Variants in MBNL3 observed in about 807,000 individuals in gnomAD.
MBNL3 encodes muscleblind like splicing regulator 3, also known as muscleblind-like protein 3.
In MBNL3, 6 loss-of-function variants were observed where a neutral mutation model predicts 24.5. That is an observed-to-expected ratio of 0.25 (90% CI 0.13 to 0.48). MBNL3 has a LOEUF of 0.48. Among genes scored for constraint, MBNL3 ranks in the 20% least tolerant of loss-of-function variants. MBNL3 has a pLI of 0.99. For missense variants in MBNL3, 230 were observed against 293.5 expected (o/e 0.78, Z 1.58); for synonymous variants, 100 against 101.7 (o/e 0.98, Z 0.10).
intron 7 of MBNL3, among the ~76,000 whole-genome samples, chrX:132,383,889 T>C (rs1325802159): frequency 9.0e-6 from 1 of 111,698 alleles, no homozygotes; most frequent in Non-Finnish European, 1.9e-5. Flanking sequence ...GTTGGGATCA[T>C]TTCTCCTTGC....
intron 1 of MBNL3, among the ~76,000 whole-genome samples, chrX:132,447,185 C>T (rs951282836): frequency 3.6e-5 from 4 of 111,613 alleles, no homozygotes; most frequent in African/African-American, 6.5e-5. Flanking sequence ...AGTCAGGTAG[C>T]GTGATGCCTC....
intron 1 of MBNL3, among the ~76,000 whole-genome samples, chrX:132,483,694 C>G (rs143315864): frequency 1.2e-4 from 13 of 112,245 alleles, no homozygotes; most frequent in African/African-American, 3.6e-4. Context: ...AGCGCTAAAC[C>G]TAAAGACTGA....
In MBNL3 at chrX:132,464,545, G is replaced by A. The variant is rs182204591; in HGVS notation, c.-703-24231C>T. On this transcript the variant is annotated intron_variant, in intron 1 of 8. Transcript: ENST00000370853. Reference sequence around the variant, plus strand: ...CACATCTAGGTGGGAACTCAGAAGTGAAACTTAAAACACCAAAAAAACATT... The same window carrying A: ...CACATCTAGGTGGGAACTCAGAAGTAAAACTTAAAACACCAAAAAAACATT... 7.5e-3 allele frequency among the ~76,000 whole-genome samples: 834 copies of A among 111,915 alleles called. 4 individuals carry two copies. Among genetic ancestry groups the A allele is most frequent in the African/African-American group, 0.026 (790 of 30,822 alleles).
chrX:132,436,817 ATTGT>A (rs759512035), intron 2 of MBNL3, among the ~76,000 whole-genome samples: 6 of 112,257 alleles, frequency 5.3e-5, no homozygotes, highest in African/African-American at 1.9e-4. Flanking sequence ...AAATTAAGTA[ATTGT>A]TTGAACGGCT....
chrX:132,392,117 G>A, intron 4 of MBNL3, 26 bp downstream of exon 4: 1 of 1,119,213 alleles, frequency 8.9e-7, no homozygotes, highest in Non-Finnish European at 1.2e-6. Flanking sequence ...TATTCTACAG[G>A]TATTTATATA....
chrX:132,471,838 T>G (rs769116783), intron 1 of MBNL3, among the ~76,000 whole-genome samples: 2 of 113,102 alleles, frequency 1.8e-5, no homozygotes, highest in East Asian at 5.5e-4. Flanking sequence ...TAGGATGCCC[T>G]GTTACAAAGT....
intron 2 of MBNL3, among the ~76,000 whole-genome samples, chrX:132,419,472 G>A (rs1031323853): frequency 8.9e-6 from 1 of 111,913 alleles, no homozygotes; most frequent in Admixed American, 9.5e-5. Flanking sequence ...ACAAAGCAGA[G>A]AAAGTCTCCA....
intron 2 of MBNL3, chrX:132,429,781 T>A (rs1944587177): frequency 8.9e-6 from 1 of 111,763 alleles, no homozygotes; most frequent in African/African-American, 3.3e-5. Flanking sequence ...ATAGCCTAAT[T>A]GATGTTCTCT....
At chrX:132,469,586 C>T (rs1375028557) in intron 1 of MBNL3, among the ~76,000 whole-genome samples, 1 of 111,893 alleles carries the variant, frequency 8.9e-6, no homozygotes, top group African/African-American at 3.3e-5. Context: ...AATCCATTGC[C>T]TCTGTTTAAA....
chrX:132,381,878 A>T (rs959366886), intron 8 of MBNL3, among the ~76,000 whole-genome samples: 2 of 112,147 alleles, frequency 1.8e-5, no homozygotes, highest in Non-Finnish European at 3.8e-5. Context: ...CCAATGAGGA[A>T]GCATTTAAGT....
intron 1 of MBNL3, among the ~76,000 whole-genome samples, chrX:132,449,961 A>C (rs1945978993): frequency 1.2e-5 from 1 of 86,845 alleles, no homozygotes; most frequent in African/African-American, 4.5e-5. Context: ...TATTTTCTTT[A>C]AGAATGCTGA....
chrX:132,456,922 A>G (rs1362901796), intron 1 of MBNL3, among the ~76,000 whole-genome samples: 1 of 111,949 alleles, frequency 8.9e-6, no homozygotes, highest in Non-Finnish European at 1.9e-5. Flanking sequence ...TCAAAAGAAC[A>G]TGTGGTCCAG....
intron 2 of MBNL3, among the ~76,000 whole-genome samples, chrX:132,435,607 A>G (rs73556175): frequency 0.013 from 1,456 of 112,177 alleles, 33 homozygotes; most frequent in African/African-American, 0.045. Context: ...ATAGATTCAT[A>G]TCGATATGCT....
chrX:132,416,343 T>TAAAACAAAAC (rs201556977), intron 2 of MBNL3, among the ~76,000 whole-genome samples: 99 of 110,089 alleles, frequency 9.0e-4, no homozygotes, highest in African/African-American at 3.0e-3. Context: ...ATGCGAGAGC[T>TAAAACAAAAC]AAAACAAAAC....
chrX:132,454,585 A>G, intron 1 of MBNL3, among the ~76,000 whole-genome samples: 1 of 112,024 alleles, frequency 8.9e-6, no homozygotes, highest in Non-Finnish European at 1.9e-5. Flanking sequence ...GAGAGTCCCA[A>G]ATGTACCCTG....
chrX:132,409,719 A>G (rs1942440326), intron 2 of MBNL3, among the ~76,000 whole-genome samples: 1 of 111,275 alleles, frequency 9.0e-6, no homozygotes, highest in Admixed American at 9.5e-5. Context: ...TACTAAAATC[A>G]GCAGCTAAGG....
chrX:132,445,286 A>G (rs926104603), intron 1 of MBNL3, among the ~76,000 whole-genome samples: 5 of 111,150 alleles, frequency 4.5e-5, no homozygotes, highest in African/African-American at 6.5e-5. Context: ...AAAGCCTTCA[A>G]GTTTTCAAAT....
At chrX:132,445,860 T>C (rs1042334827) in intron 1 of MBNL3, among the ~76,000 whole-genome samples, 4 of 111,582 alleles carry the variant, frequency 3.6e-5, no homozygotes, top group Admixed American at 9.5e-5. Context: ...GTTTGTTACA[T>C]AGGTATACAC....
chrX:132,450,398 T>C (rs952796436), intron 1 of MBNL3, among the ~76,000 whole-genome samples: 1 of 111,686 alleles, frequency 9.0e-6, no homozygotes, highest in Non-Finnish European at 1.9e-5. Flanking sequence ...GTCTTCACGC[T>C]TTATTTCATT....
Sources: allele counts gnomAD v4.1 joint callset (sites outside exome capture counted in the v4.1 genomes callset), GRCh38; gene constraint gnomAD v4.1.1; transcripts MANE v1.5; gene names NCBI Gene and HGNC (gene_info 2026-07-23, HGNC 2026-07-21).